Variants in EHBP1 observed in about 807,000 individuals in gnomAD.
EHBP1 encodes the protein EH domain binding protein 1.
A neutral mutation model predicts 144.0 loss-of-function variants in EHBP1; 55 were observed. The ratio of observed to expected loss-of-function variants is 0.38; its 90% CI spans 0.31 to 0.48. The LOEUF (loss-of-function observed/expected upper bound fraction) is 0.48. Ranked by LOEUF, EHBP1 falls within the 20% of genes least tolerant of loss-of-function variation. EHBP1 has a pLI of 0.98. For synonymous variants in EHBP1, 469 were observed against 472.7 expected, an observed-to-expected ratio of 0.99 and a Z score of 0.10; for missense variants, 1,200 against 1,364.2, an observed-to-expected ratio of 0.88 and a Z score of 1.90.
intron 10 of EHBP1, among the ~76,000 whole-genome samples, chr2:62,898,871 T>TA (rs966550925): frequency 6.6e-5 from 10 of 152,266 alleles, no homozygotes; most frequent in African/African-American, 2.2e-4. Context: ...TTTTGTGTTT[T>TA]AAAAAAATGA....
intron 8 of EHBP1, 150 bp downstream of exon 8, chr2:62,859,441 A>G (rs1427843505): frequency 1.4e-6 from 1 of 707,326 alleles, no homozygotes; most frequent in African/African-American, 1.8e-5. Flanking sequence ...CTTGGAGTTG[A>G]TCAGCAATTC....
chr2:62,977,666 C>T (rs2058777601), intron 14 of EHBP1, among the ~76,000 whole-genome samples: 1 of 151,964 alleles, frequency 6.6e-6, no homozygotes, highest in African/African-American at 2.4e-5. Flanking sequence ...GGTTACAGCA[C>T]CTAGCACAAA....
At chr2:62,920,177 C>G (rs997444498) in intron 10 of EHBP1, among the ~76,000 whole-genome samples, 1 of 152,126 alleles carries the variant, frequency 6.6e-6, no homozygotes, top group African/African-American at 2.4e-5. Flanking sequence ...CACTAAAACT[C>G]ATTATAATCA....
chr2:62,867,462 GA>G (rs1322555066), intron 9 of EHBP1, among the ~76,000 whole-genome samples: 4 of 151,790 alleles, frequency 2.6e-5, no homozygotes, highest in Non-Finnish European at 5.9e-5. Flanking sequence ...AATCAATATT[GA>G]AAAAAATACC....
chr2:62,689,811 T>C (rs1572869364), intron 1 of EHBP1, among the ~76,000 whole-genome samples: 1 of 152,242 alleles, frequency 6.6e-6, no homozygotes, highest in East Asian at 1.9e-4. Context: ...TTTGTTCTTG[T>C]GTTTAAAGTG....
intron 7 of EHBP1, among the ~76,000 whole-genome samples, chr2:62,842,771 A>G (rs896730908): frequency 2.0e-5 from 3 of 152,198 alleles, no homozygotes; most frequent in African/African-American, 7.2e-5. Flanking sequence ...CTAAATCTCA[A>G]TTAGATACGG....
At chr2:62,737,872 T>C (rs1275456773) in intron 2 of EHBP1, among the ~76,000 whole-genome samples, 1 of 152,150 alleles carries the variant, frequency 6.6e-6, no homozygotes, top group Non-Finnish European at 1.5e-5. Flanking sequence ...TAAATGATTC[T>C]TCCCTCTTAG....
At chr2:62,866,009 G>A (rs1267859428) in intron 9 of EHBP1, among the ~76,000 whole-genome samples, 2 of 152,166 alleles carry the variant, frequency 1.3e-5, no homozygotes, top group Non-Finnish European at 2.9e-5. Flanking sequence ...GAGCTTGCGT[G>A]TGAGGAAATC....
chr2:62,961,688 C>A (rs1299302873), intron 14 of EHBP1, among the ~76,000 whole-genome samples: 1 of 152,050 alleles, frequency 6.6e-6, no homozygotes, highest in Non-Finnish European at 1.5e-5. Context: ...GAAAATATTT[C>A]TTTTTTTATT....
intron 2 of EHBP1, among the ~76,000 whole-genome samples, chr2:62,713,133 T>A (rs1441191284): frequency 6.6e-6 from 1 of 152,068 alleles, no homozygotes; most frequent in Non-Finnish European, 1.5e-5. Context: ...TTTTTGGGTA[T>A]GAAGAGGGTG....
At chr2:62,903,885 A>C (rs1019928525) in intron 10 of EHBP1, among the ~76,000 whole-genome samples, 1 of 152,116 alleles carries the variant, frequency 6.6e-6, no homozygotes, top group Non-Finnish European at 1.5e-5. Context: ...TCTAATACAA[A>C]ATTTTTAAAT....
chr2:63,037,426 A>T, intron 19 of EHBP1, 109 bp from the exon 20 acceptor site: 1 of 671,884 alleles, frequency 1.5e-6, no homozygotes, highest in Non-Finnish European at 2.5e-6. Flanking sequence ...TTTAATATAT[A>T]GTATTAGAAT....
At chr2:62,790,656 CAG>C (rs1326980136) in intron 5 of EHBP1, among the ~76,000 whole-genome samples, 1 of 152,048 alleles carries the variant, frequency 6.6e-6, no homozygotes, top group Non-Finnish European at 1.5e-5. Flanking sequence ...CACGGTATAA[CAG>C]AACTCCATTT....
At chr2:63,044,432 A>C (rs1387355765) in intron 21 of EHBP1, 3 of 152,146 alleles carry the variant, frequency 2.0e-5, no homozygotes, top group Non-Finnish European at 4.4e-5. Context: ...CTGTGATGCG[A>C]TCGAGAGCTG....
chr2:62,778,988 T>G (rs1184433277), intron 5 of EHBP1, among the ~76,000 whole-genome samples: 2 of 152,168 alleles, frequency 1.3e-5, no homozygotes, highest in Non-Finnish European at 2.9e-5. Flanking sequence ...TGGGATTATC[T>G]TTTCAGCCCC....
intron 13 of EHBP1, among the ~76,000 whole-genome samples, chr2:62,952,226 T>G (rs2057428760): frequency 6.6e-6 from 1 of 152,250 alleles, no homozygotes; most frequent in African/African-American, 2.4e-5. Flanking sequence ...AAAAGTAATG[T>G]CTAACAATAA....
At chr2:62,847,045 A>G (rs1035420002) in intron 7 of EHBP1, among the ~76,000 whole-genome samples, 1 of 152,246 alleles carries the variant, frequency 6.6e-6, no homozygotes, top group Non-Finnish European at 1.5e-5. Context: ...GAACTGAATT[A>G]TAATAGTAAT....
In EHBP1 at chr2:62,942,779, T is replaced by C; in HGVS notation, c.1247T>C (p.Val416Ala). ...RKPNASQSLL[V>A]WCKEVTKNYR... ...CCAAATGCTAGTCAGTCTTTGCTTG[T>C]ATGGTGTAAAGAAGTTACAAAGAAC... Residue 416 changes from valine to alanine, a missense_variant, in exon 11 of 23, where the codon GTA (valine) becomes GCA (alanine). Physicochemically the swap from Val to Ala is moderately conservative, Grantham distance 64. Transcript: ENST00000431489. The C allele has an allele frequency of 6.2e-7, 1 of 1,613,852 alleles. No homozygotes were observed. Among genetic ancestry groups the C allele is most frequent in the Non-Finnish European group, 8.5e-7 (1 of 1,179,806 alleles).
At chr2:62,897,357 TC>T (rs2053023690) in intron 10 of EHBP1, among the ~76,000 whole-genome samples, 1 of 152,236 alleles carries the variant, frequency 6.6e-6, no homozygotes. Context: ...AGCCAATTAC[TC>T]ATACATGGTG....
Sources: allele counts gnomAD v4.1 joint callset (sites outside exome capture counted in the v4.1 genomes callset), GRCh38; gene constraint gnomAD v4.1.1; transcripts MANE v1.5; gene names NCBI Gene and HGNC (gene_info 2026-07-23, HGNC 2026-07-21).